Variants in CTNNA3 observed in about 807,000 individuals in gnomAD.
CTNNA3 encodes the protein catenin alpha-3.
A neutral mutation model predicts 95.7 loss-of-function variants in CTNNA3; 76 were observed. That is an observed-to-expected ratio of 0.79 (90% CI 0.66 to 0.96). The LOEUF is 0.96. Ranked by LOEUF, CTNNA3 falls within the 40% of genes least tolerant of loss-of-function variation. CTNNA3 has a pLI of 0.00. For synonymous variants in CTNNA3, 431 were observed against 374.4 expected (o/e 1.15, Z -1.74); for missense variants, 1,191 against 1,089.8 (o/e 1.09, Z -1.31).
intron 2 of CTNNA3, among the ~76,000 whole-genome samples, chr10:67,636,473 C>A (rs181939609): frequency 1.3e-5 from 2 of 152,104 alleles, no homozygotes; most frequent in African/African-American, 4.8e-5. Context: ...AAAACAGACA[C>A]GTAGACCAAT....
chr10:66,342,642 C>T (rs1415335565), intron 12 of CTNNA3, among the ~76,000 whole-genome samples: 1 of 151,916 alleles, frequency 6.6e-6, no homozygotes. Context: ...TTATAAACAT[C>T]TGTGTGTAAG....
chr10:65,995,578 T>G (rs772143200), intron 15 of CTNNA3, among the ~76,000 whole-genome samples: 43 of 152,180 alleles, frequency 2.8e-4, no homozygotes, highest in Non-Finnish European at 4.7e-4. Context: ...GCAGCGTGCA[T>G]GGGCACGAAT....
intron 5 of CTNNA3, among the ~76,000 whole-genome samples, chr10:67,260,969 G>C (rs1365334112): frequency 6.6e-6 from 1 of 152,182 alleles, no homozygotes; most frequent in East Asian, 1.9e-4. Context: ...ACAGGCGTGA[G>C]CCACCACGCC....
At chr10:66,006,214 A>T (rs1197742078) in intron 15 of CTNNA3, among the ~76,000 whole-genome samples, 2 of 151,596 alleles carry the variant, frequency 1.3e-5, no homozygotes, top group Non-Finnish European at 1.5e-5. Flanking sequence ...GGGGCTTCAC[A>T]GTGTTAGCCA....
At chr10:66,986,741 AC>A (rs1246666946) in intron 7 of CTNNA3, among the ~76,000 whole-genome samples, 2 of 152,130 alleles carry the variant, frequency 1.3e-5, no homozygotes, top group Non-Finnish European at 2.9e-5. Flanking sequence ...ATCTAGCAAA[AC>A]AGAGATCATA....
intron 14 of CTNNA3, among the ~76,000 whole-genome samples, chr10:66,102,743 G>T (rs74473063): frequency 1.3e-5 from 2 of 151,934 alleles, no homozygotes; most frequent in African/African-American, 4.8e-5. Flanking sequence ...GTGTTTGGGG[G>T]CAGGCACAGG....
chr10:67,406,939 C>A (rs920576205), intron 5 of CTNNA3, among the ~76,000 whole-genome samples: 2 of 151,766 alleles, frequency 1.3e-5, no homozygotes, highest in Non-Finnish European at 2.9e-5. Flanking sequence ...GCCTATCAAC[C>A]AAAAAAAGCC....
rs138983774 is a variant in CTNNA3, at chr10:67,046,095, T to C, written c.1047+134222A>G. On this transcript the variant is annotated intron_variant, in intron 7 of 17. Transcript: ENST00000433211. Reference sequence around the variant, plus strand: ...AAATACAATAGCTAAGCTTAAATATTCACAGGGCTAATCCCAGAAAAGGCA... The same window carrying C: ...AAATACAATAGCTAAGCTTAAATATCCACAGGGCTAATCCCAGAAAAGGCA... 1.3e-3 allele frequency among the ~76,000 whole-genome samples: 173 copies of C among 132,828 alleles called. 1 individual carries two copies. The East Asian group carries it at 0.024, about 18-fold the overall frequency. The allele number at this position is 132,828 out of a possible 152,430, so 87.1% of individuals were successfully genotyped here.
chr10:66,503,441 A>G (rs1477305732), intron 11 of CTNNA3, among the ~76,000 whole-genome samples: 1 of 152,006 alleles, frequency 6.6e-6, no homozygotes, highest in African/African-American at 2.4e-5. Flanking sequence ...AGAATTATCT[A>G]TCTTCAAGCA....
At chr10:67,159,980 G>A (rs965902249) in intron 7 of CTNNA3, among the ~76,000 whole-genome samples, 10 of 152,084 alleles carry the variant, frequency 6.6e-5, no homozygotes, top group African/African-American at 2.2e-4. Context: ...TATCTGATAA[G>A]GAGTTAATAT....
At chr10:66,565,315 GGA>G (rs200448080) in intron 10 of CTNNA3, among the ~76,000 whole-genome samples, 3,441 of 152,158 alleles carry the variant, frequency 0.023, 80 homozygotes, top group East Asian at 0.054. Flanking sequence ...CATAAGAGAT[GGA>G]GAGAGAAATA....
At chr10:66,295,760 G>T (rs74670783) in intron 12 of CTNNA3, among the ~76,000 whole-genome samples, 1 of 152,062 alleles carries the variant, frequency 6.6e-6, no homozygotes, top group East Asian at 1.9e-4. Flanking sequence ...CTTAGTTACC[G>T]CTCAGGAAAT....
At chr10:66,753,230 T>A (rs1839230718) in intron 9 of CTNNA3, among the ~76,000 whole-genome samples, 1 of 152,190 alleles carries the variant, frequency 6.6e-6, no homozygotes, top group African/African-American at 2.4e-5. Context: ...AATCTAGATT[T>A]GTCTGCCTCA....
chr10:66,806,324 TAA>T (rs1454208088), intron 7 of CTNNA3, among the ~76,000 whole-genome samples: 1 of 149,310 alleles, frequency 6.7e-6, no homozygotes, highest in Non-Finnish European at 1.5e-5. Flanking sequence ...GCAAAAATCC[TAA>T]GAGGTAGTTG....
At chr10:67,413,705 G>A (rs1845453965) in intron 5 of CTNNA3, among the ~76,000 whole-genome samples, 1 of 152,012 alleles carries the variant, frequency 6.6e-6, no homozygotes, top group Non-Finnish European at 1.5e-5. Context: ...AATAAATTCA[G>A]AAAGAAATTG....
chr10:66,279,257 C>T (rs915214801), intron 13 of CTNNA3, among the ~76,000 whole-genome samples: 10 of 151,918 alleles, frequency 6.6e-5, no homozygotes, highest in Non-Finnish European at 1.2e-4. Flanking sequence ...GACATTCAGG[C>T]CTATCAGATA....
chr10:66,965,565 GT>G (rs33920200), intron 7 of CTNNA3, among the ~76,000 whole-genome samples: 95,505 of 134,314 alleles, frequency 0.71, 34,239 homozygotes, highest in South Asian at 0.8. Flanking sequence ...AAAAAAAGCT[GT>G]TTTTTTTTTT....
At chr10:66,127,182 G>C (rs1446560133) in intron 13 of CTNNA3, among the ~76,000 whole-genome samples, 3 of 149,704 alleles carry the variant, frequency 2.0e-5, no homozygotes, top group African/African-American at 7.4e-5. Flanking sequence ...TGAGGCAGGA[G>C]ACTGGCGTGA....
chr10:67,520,604 T>TA, intron 5 of CTNNA3, among the ~76,000 whole-genome samples: 1 of 152,252 alleles, frequency 6.6e-6, no homozygotes, highest in East Asian at 1.9e-4. Flanking sequence ...TTAATTTTTT[T>TA]AAAAAAACAA....
Sources: gnomAD v4.1 joint callset for allele counts (sites outside exome capture counted in the v4.1 genomes callset) on GRCh38, gnomAD v4.1.1 for gene constraint, MANE v1.5 for transcripts, NCBI Gene and HGNC (gene_info 2026-07-23, HGNC 2026-07-21) for gene names.